PCMTD1: variants seen among roughly 807,000 people sequenced by gnomAD.
The protein encoded by PCMTD1 is protein-L-isoaspartate O-methyltransferase domain-containing protein 1.
In PCMTD1, 12 loss-of-function variants were observed where a neutral mutation model predicts 37.6. That is an observed-to-expected ratio of 0.32 (90% CI 0.20 to 0.52). The LOEUF (loss-of-function observed/expected upper bound fraction) is 0.52. PCMTD1 is among the 20% of genes least tolerant of loss of function. PCMTD1 has a pLI of 0.97. For synonymous variants in PCMTD1, 117 were observed against 135.8 expected (o/e 0.86, Z 0.96); for missense variants, 235 against 421.3 (o/e 0.56, Z 3.87).
intron 1 of PCMTD1, among the ~76,000 whole-genome samples, chr8:51,868,986 A>G (rs13264394): frequency 0.062 from 9,388 of 152,230 alleles, 379 homozygotes; most frequent in Non-Finnish European, 0.087. Flanking sequence ...CTTAATAAGC[A>G]TTTCCTAATA....
intron 1 of PCMTD1, among the ~76,000 whole-genome samples, chr8:51,867,883 C>T (rs1019021340): frequency 1.3e-5 from 2 of 151,994 alleles, no homozygotes; most frequent in African/African-American, 4.8e-5. Context: ...AGGAGAAATA[C>T]GCTTTAGTAA....
At chr8:51,847,008 GT>G (rs1226549728) in intron 2 of PCMTD1, among the ~76,000 whole-genome samples, 1 of 152,122 alleles carries the variant, frequency 6.6e-6, no homozygotes, top group Non-Finnish European at 1.5e-5. Flanking sequence ...CCTTTGCAAT[GT>G]TTTTACATTT....
intron 2 of PCMTD1, among the ~76,000 whole-genome samples, chr8:51,848,607 A>G (rs1429836015): frequency 6.6e-6 from 1 of 152,190 alleles, no homozygotes; most frequent in Non-Finnish European, 1.5e-5. Flanking sequence ...ATCTAAAAGC[A>G]AAGTGTCAAC....
chr8:51,838,775 A>C (rs1216419912), intron 3 of PCMTD1, among the ~76,000 whole-genome samples: 1 of 152,210 alleles, frequency 6.6e-6, no homozygotes, highest in Admixed American at 6.5e-5. Flanking sequence ...ATAATCTCTA[A>C]GACTGAACAA....
chr8:51,899,147 C>G (rs1201270241), upstream of PCMTD1: 10 of 1,351,372 alleles, frequency 7.4e-6, no homozygotes, highest in Non-Finnish European at 6.7e-6. Context: ...CAGCTCCCCG[C>G]GGACGCCAAA....
chr8:51,891,475 G>A (rs1307107936), intron 1 of PCMTD1, among the ~76,000 whole-genome samples: 1 of 151,910 alleles, frequency 6.6e-6, no homozygotes, highest in Non-Finnish European at 1.5e-5. Context: ...TGGATTGCTC[G>A]AGGTCAGGAG....
chr8:51,872,419 A>C (rs998010086), intron 1 of PCMTD1, among the ~76,000 whole-genome samples: 4 of 152,192 alleles, frequency 2.6e-5, no homozygotes, highest in African/African-American at 9.6e-5. Context: ...GTGCTACACT[A>C]ACCATCCTTA....
chr8:51,874,634 C>T (rs2038687693), intron 1 of PCMTD1, among the ~76,000 whole-genome samples: 1 of 149,910 alleles, frequency 6.7e-6, no homozygotes, highest in African/African-American at 2.5e-5. Flanking sequence ...GTAAAATTAC[C>T]TTTATTAACA....
At chr8:51,851,127 T>C (rs1349589103) in intron 2 of PCMTD1, among the ~76,000 whole-genome samples, 1 of 152,212 alleles carries the variant, frequency 6.6e-6, no homozygotes. Context: ...CATCAAACAC[T>C]GTCAAATTTG....
chr8:51,899,063 T>A (rs2039057909), upstream of PCMTD1: 1 of 1,501,694 alleles, frequency 6.7e-7, no homozygotes. Context: ...GACCCGCGAC[T>A]GGAGCAGCCA....
chr8:51,861,320 T>C, intron 1 of PCMTD1, 74 bp from the exon 2 acceptor site: 22 of 1,087,486 alleles, frequency 2.0e-5, no homozygotes, highest in Non-Finnish European at 2.6e-5. Flanking sequence ...ATTAAATGTA[T>C]GTCATTATAA....
chr8:51,881,017 C>T (rs1157272677), intron 1 of PCMTD1, among the ~76,000 whole-genome samples: 1 of 152,162 alleles, frequency 6.6e-6, no homozygotes, highest in Admixed American at 6.5e-5. Context: ...AGACAGTAGT[C>T]CAAGTTTGGC....
intron 1 of PCMTD1, among the ~76,000 whole-genome samples, chr8:51,878,562 C>A (rs534952131): frequency 6.7e-6 from 1 of 150,030 alleles, no homozygotes; most frequent in Non-Finnish European, 1.5e-5. Flanking sequence ...GCCTGGGCAA[C>A]ATAGTGAGAC....
At chr8:51,883,043 G>A (rs928322229) in intron 1 of PCMTD1, among the ~76,000 whole-genome samples, 77 of 151,766 alleles carry the variant, frequency 5.1e-4, no homozygotes, top group African/African-American at 1.7e-3. Flanking sequence ...AAGCTGAGGC[G>A]GGAGAATGGC....
rs532872436 is a variant in PCMTD1 at position 51,832,751 on chromosome 8, A to G, written c.582+767T>C. Among the ~76,000 whole-genome samples, 3 of 152,236 alleles carry G rather than the reference A, an allele frequency of 2.0e-5. 1 individual carries two copies. Among genetic ancestry groups the G allele is most frequent in the Non-Finnish European group, 4.4e-5 (3 of 68,038 alleles). ...AATAATGCTCATAAATAGCTGCAGA[A>G]TATTTTCAAATGAGTCTATTCGGTA... On this transcript the variant is annotated intron_variant, in intron 4 of 5. Transcript: ENST00000522514.
At chr8:51,852,299 A>G (rs954094990) in intron 2 of PCMTD1, among the ~76,000 whole-genome samples, 11 of 152,222 alleles carry the variant, frequency 7.2e-5, no homozygotes, top group African/African-American at 2.7e-4. Flanking sequence ...AAGGTTCACA[A>G]CGAAGACTGA....
chr8:51,819,562 A>G lies in PCMTD1; in HGVS notation c.*789T>C. 1 of 152,638 alleles carries G rather than the reference A, an allele frequency of 6.6e-6. No homozygotes were observed. The highest frequency in any genetic ancestry group is 1.5e-5 in the Non-Finnish European group (1 of 68,046). 9.5% of individuals were successfully genotyped at this position (152,638 alleles called of 1,614,324 possible). On this transcript the variant is annotated 3_prime_UTR_variant, in exon 6 of 6. Transcript: ENST00000522514. ...TATACAGTGAACTACAGAAAAAACA[A>G]TTCTAAATATACTTTTAAAATTCTA...
chr8:51,886,765 T>C (rs533208642), intron 1 of PCMTD1, among the ~76,000 whole-genome samples: 1 of 152,376 alleles, frequency 6.6e-6, no homozygotes, highest in African/African-American at 2.4e-5. Context: ...ATCACTGTCA[T>C]AGCAAATTAG....
At chr8:51,843,665 T>C (rs7463120) in intron 3 of PCMTD1, among the ~76,000 whole-genome samples, 104,329 of 151,850 alleles carry the variant, frequency 0.69, 42,286 homozygotes, top group Non-Finnish European at 0.9. Context: ...TCAAACTTAT[T>C]TGTGTTGTGA....
Sources: gnomAD v4.1 joint callset for allele counts (sites outside exome capture counted in the v4.1 genomes callset) on GRCh38, gnomAD v4.1.1 for gene constraint, MANE v1.5 for transcripts, NCBI Gene and HGNC (gene_info 2026-07-23, HGNC 2026-07-21) for gene names.